ROBO1: variants seen among roughly 807,000 people sequenced by gnomAD.
ROBO1 encodes roundabout homolog 1.
A neutral mutation model predicts 195.9 loss-of-function variants in ROBO1; 149 were observed. The ratio of observed to expected loss-of-function variants is 0.76; its 90% CI spans 0.67 to 0.87. The LOEUF is 0.87. Among genes scored for constraint, ROBO1 ranks in the 40% least tolerant of loss-of-function variants. The probability of loss-of-function intolerance (pLI) is 0.00; values close to 1 mark genes in which losing one functional copy is unlikely to be tolerated. For missense variants in ROBO1, 1,933 were observed against 2,068.3 expected (o/e 0.93, Z 1.27); for synonymous variants, 816 against 733.2 (o/e 1.11, Z -1.82).
At chr3:78,790,367 A>G (rs1200644430) in intron 4 of ROBO1, among the ~76,000 whole-genome samples, 2 of 152,028 alleles carry the variant, frequency 1.3e-5, no homozygotes, top group Admixed American at 1.3e-4. Context: ...ATATTTATGG[A>G]GTATATTATA....
At chr3:79,420,312 A>G (rs1301902892) in intron 2 of ROBO1, among the ~76,000 whole-genome samples, 1 of 152,182 alleles carries the variant, frequency 6.6e-6, no homozygotes, top group East Asian at 1.9e-4. Context: ...GTTAAATGAG[A>G]GTGAACTAGA....
At chr3:79,346,882 T>G (rs1284564946) in intron 2 of ROBO1, among the ~76,000 whole-genome samples, 3 of 151,840 alleles carry the variant, frequency 2.0e-5, no homozygotes, top group Non-Finnish European at 4.4e-5. Context: ...AGACTATACA[T>G]TTACAGTTGG....
intron 2 of ROBO1, among the ~76,000 whole-genome samples, chr3:79,252,403 G>A (rs903004714): frequency 3.9e-5 from 6 of 152,206 alleles, no homozygotes; most frequent in Admixed American, 1.3e-4. Flanking sequence ...TTTGAAGATC[G>A]GACTTAAGCT....
At chr3:78,903,550 TACACACACACAC>T (rs146975185) in intron 4 of ROBO1, among the ~76,000 whole-genome samples, 17 of 143,368 alleles carry the variant, frequency 1.2e-4, no homozygotes, top group Non-Finnish European at 2.3e-4. Flanking sequence ...ATAAAAGAAG[TACACACACACAC>T]ACACACACAC....
intron 2 of ROBO1, among the ~76,000 whole-genome samples, chr3:79,568,817 GA>G (rs1285965515): frequency 1.3e-5 from 2 of 151,894 alleles, no homozygotes; most frequent in African/African-American, 4.8e-5. Context: ...AAATGGTGAT[GA>G]ATATAGTATG....
intron 26 of ROBO1, 135 bp from the exon 27 acceptor site, chr3:78,618,176 G>A: frequency 2.3e-6 from 2 of 883,064 alleles, no homozygotes; most frequent in East Asian, 2.7e-5. Flanking sequence ...AAAAACAACT[G>A]AATATCACAA....
intron 3 of ROBO1, among the ~76,000 whole-genome samples, chr3:79,090,462 C>A (rs1161597922): frequency 6.6e-6 from 1 of 151,478 alleles, no homozygotes; most frequent in African/African-American, 2.4e-5. Context: ...CCTCCCCTCC[C>A]CCCGCTTCCC....
intron 4 of ROBO1, among the ~76,000 whole-genome samples, chr3:78,786,160 GCT>G (rs2083827460): frequency 6.6e-6 from 1 of 152,068 alleles, no homozygotes; most frequent in Non-Finnish European, 1.5e-5. Context: ...TACTTTCTCT[GCT>G]ACACTTTTAT....
chr3:79,128,516 T>A (rs772639512), intron 2 of ROBO1, among the ~76,000 whole-genome samples: 1 of 152,156 alleles, frequency 6.6e-6, no homozygotes, highest in Non-Finnish European at 1.5e-5. Flanking sequence ...TAAATTGTAT[T>A]TTCTGCACCA....
At chr3:79,596,964 G>GA (rs1323164718) in intron 1 of ROBO1, among the ~76,000 whole-genome samples, 3 of 151,768 alleles carry the variant, frequency 2.0e-5, no homozygotes, top group Non-Finnish European at 2.9e-5. Context: ...AATTGGTGGA[G>GA]AAAAAAATAG....
chr3:79,493,177 T>C (rs1002090426), intron 2 of ROBO1, among the ~76,000 whole-genome samples: 2 of 152,068 alleles, frequency 1.3e-5, no homozygotes, highest in African/African-American at 4.8e-5. Context: ...GATATTATAA[T>C]TTTTAAAACA....
At chr3:79,044,792 T>TA in intron 3 of ROBO1, among the ~76,000 whole-genome samples, 1 of 151,866 alleles carries the variant, frequency 6.6e-6, no homozygotes, top group Non-Finnish European at 1.5e-5. Context: ...TTTCTTTTTT[T>TA]AAAAAAAAAT....
intron 1 of ROBO1, among the ~76,000 whole-genome samples, chr3:79,606,947 A>G (rs1384634698): frequency 6.6e-6 from 1 of 152,046 alleles, no homozygotes; most frequent in Non-Finnish European, 1.5e-5. Context: ...AAGAATTTCT[A>G]TACAGTAAGT....
At chr3:79,746,898 T>C (rs79580788) in intron 1 of ROBO1, among the ~76,000 whole-genome samples, 3,706 of 152,204 alleles carry the variant, frequency 0.024, 144 homozygotes, top group African/African-American at 0.085. Context: ...ATTTCTAATT[T>C]AGCTTTAATT....
chr3:79,233,110 AATAAGT>A (rs1190213954), intron 2 of ROBO1, among the ~76,000 whole-genome samples: 1 of 152,134 alleles, frequency 6.6e-6, no homozygotes, highest in African/African-American at 2.4e-5. Flanking sequence ...ATTTTTTCTC[AATAAGT>A]ATATTTCTTA....
intron 1 of ROBO1, among the ~76,000 whole-genome samples, chr3:79,739,131 T>C (rs992936794): frequency 2.6e-5 from 4 of 152,202 alleles, no homozygotes; most frequent in African/African-American, 7.2e-5. Context: ...GTCTGGTTTA[T>C]TGGATTGAGG....
chr3:79,057,246 A>T (rs2078828970), intron 3 of ROBO1, among the ~76,000 whole-genome samples: 1 of 152,030 alleles, frequency 6.6e-6, no homozygotes, highest in African/African-American at 2.4e-5. Flanking sequence ...GGCAGAGTTA[A>T]TTTCTGTAAT....
chr3:78,785,717 T>C (rs1245776802), intron 4 of ROBO1, among the ~76,000 whole-genome samples: 1 of 152,208 alleles, frequency 6.6e-6, no homozygotes, highest in Non-Finnish European at 1.5e-5. Flanking sequence ...TAGTAATTCC[T>C]ACATCTGTCC....
rs898742181 is a variant in ROBO1 at position 79,561,827 on chromosome 3, C to T, written c.88+27997G>A. On this transcript the variant is annotated intron_variant, in intron 2 of 30. Coordinates refer to ENST00000464233, the MANE Select transcript of ROBO1 (RefSeq NM_002941.4). ...AAGACTGCACTGTGGACGCATAATA[C>T]GAATCACTGGGTTCAGAAAAATTCT... Among the ~76,000 whole-genome samples, 9 of 152,056 alleles carry T rather than the reference C, an allele frequency of 5.9e-5. No individual in the cohort carries two copies. In the South Asian group the frequency reaches 6.2e-4, roughly 11 times the overall value.
Sources: gnomAD v4.1 joint callset for allele counts (sites outside exome capture counted in the v4.1 genomes callset) on GRCh38, gnomAD v4.1.1 for gene constraint, MANE v1.5 for transcripts, NCBI Gene and HGNC (gene_info 2026-07-23, HGNC 2026-07-21) for gene names.